Variants in ADAMTS12 observed in about 807,000 individuals in gnomAD.
ADAMTS12 encodes ADAM metallopeptidase with thrombospondin type 1 motif 12.
In ADAMTS12, 118 loss-of-function variants were observed where a neutral mutation model predicts 167.8. The observed-to-expected ratio is 0.70, with a 90% confidence interval of 0.61 to 0.82. ADAMTS12 has a LOEUF of 0.82. ADAMTS12 is among the 40% of genes least tolerant of loss of function. The pLI, the probability that ADAMTS12 is intolerant of heterozygous loss-of-function variation, is 0.00. For missense variants in ADAMTS12, 1,916 were observed against 1,998.8 expected, an observed-to-expected ratio of 0.96 and a Z score of 0.79; for synonymous variants, 704 against 716.9, an observed-to-expected ratio of 0.98 and a Z score of 0.29.
chr5:33,679,165 A>G (rs72741419), intron 5 of ADAMTS12, among the ~76,000 whole-genome samples: 27,948 of 152,102 alleles, frequency 0.18, 2,815 homozygotes, highest in East Asian at 0.32. Flanking sequence ...AGACTTCTCA[A>G]CCTCCCATTG....
chr5:33,620,981 G>C (rs1303313764), intron 14 of ADAMTS12, among the ~76,000 whole-genome samples: 1 of 152,162 alleles, frequency 6.6e-6, no homozygotes, highest in Non-Finnish European at 1.5e-5. Flanking sequence ...ATCTTCGCCA[G>C]TGGAAGCATT....
intron 19 of ADAMTS12, among the ~76,000 whole-genome samples, chr5:33,569,257 C>T (rs141743316): frequency 0.019 from 2,937 of 152,334 alleles, 63 homozygotes; most frequent in East Asian, 0.082. Flanking sequence ...TCTCCCAGCA[C>T]GCAGCTGGAG....
At chr5:33,640,428 G>A (rs144366614) in intron 11 of ADAMTS12, among the ~76,000 whole-genome samples, 1 of 152,322 alleles carries the variant, frequency 6.6e-6, no homozygotes, top group East Asian at 1.9e-4. Context: ...CACTGGTGGT[G>A]TCTGAATATA....
chr5:33,535,251 G>A (rs573985101), intron 22 of ADAMTS12, among the ~76,000 whole-genome samples: 1 of 152,280 alleles, frequency 6.6e-6, no homozygotes, highest in East Asian at 1.9e-4. Flanking sequence ...TTTTTCACAC[G>A]TTTGAGAATG....
chr5:33,847,814 G>A (rs988811554), intron 2 of ADAMTS12, among the ~76,000 whole-genome samples: 1 of 152,160 alleles, frequency 6.6e-6, no homozygotes, highest in African/African-American at 2.4e-5. Context: ...CACCTTTAAT[G>A]GGTGGGCACA....
At chr5:33,853,118 ACTGCC>A (rs1301390474) in intron 2 of ADAMTS12, among the ~76,000 whole-genome samples, 3 of 152,208 alleles carry the variant, frequency 2.0e-5, no homozygotes, top group African/African-American at 7.2e-5. Flanking sequence ...TTGTTTTGCC[ACTGCC>A]CTGTTACACA....
At chr5:33,662,397 G>C (rs1561201060) in intron 5 of ADAMTS12, among the ~76,000 whole-genome samples, 1 of 152,232 alleles carries the variant, frequency 6.6e-6, no homozygotes, top group Non-Finnish European at 1.5e-5. Context: ...CAATATCAAA[G>C]AGGCATTTTT....
Position 33,747,561 on chromosome 5 carries a change from TA to T in ADAMTS12, c.634+3842del, listed in dbSNP as rs1362156782. ...GGTGGAATGAACCCAGTACTGGGAATATCTATGAACCTGTGTACTAGGAAAT... is the reference window on the plus strand; with the variant it reads ...GGTGGAATGAACCCAGTACTGGGAATTCTATGAACCTGTGTACTAGGAAAT... On this transcript the variant is annotated intron_variant, in intron 3 of 23. Coordinates refer to ENST00000504830, the MANE Select transcript of ADAMTS12 (RefSeq NM_030955.4). Among the ~76,000 whole-genome samples, 5 of 152,198 alleles carry T rather than the reference TA, an allele frequency of 3.3e-5. No homozygotes were observed. In the South Asian group the frequency reaches 1.0e-3, roughly 31 times the overall value.
chr5:33,727,015 C>T (rs1201627363), intron 3 of ADAMTS12, among the ~76,000 whole-genome samples: 2 of 152,172 alleles, frequency 1.3e-5, no homozygotes, highest in East Asian at 1.9e-4. Flanking sequence ...TGAATCAAAT[C>T]TCTAGTCGAG....
At chr5:33,785,232 T>C (rs772828595) in intron 2 of ADAMTS12, among the ~76,000 whole-genome samples, 14 of 151,898 alleles carry the variant, frequency 9.2e-5, no homozygotes, top group Non-Finnish European at 1.5e-4. Flanking sequence ...GGAGAAACTA[T>C]AGGAGAAACT....
At chr5:33,710,359 G>T (rs146602345) in intron 3 of ADAMTS12, among the ~76,000 whole-genome samples, 1 of 152,266 alleles carries the variant, frequency 6.6e-6, no homozygotes, top group East Asian at 1.9e-4. Flanking sequence ...CCTGAATGCA[G>T]TTTCCACCAC....
In ADAMTS12 at chr5:33,627,058, ATGG is replaced by A. The variant is rs1336634879; in HGVS notation, c.2023-2710_2023-2708del. 6.0e-5 allele frequency among the ~76,000 whole-genome samples: 7 copies of A among 116,390 alleles called. No homozygotes were observed. In the South Asian group the frequency reaches 1.5e-3, roughly 25 times the overall value. 76.4% of individuals were successfully genotyped at this position (116,390 alleles called of 152,430 possible). Reference sequence around the variant, plus strand: ...TGATGGTGGTGGTGGTGATGTGGTAATGGTGGTGGTGATTTGATGGTGGTGGTA... The same window carrying A: ...TGATGGTGGTGGTGGTGATGTGGTAATGGTGGTGATTTGATGGTGGTGGTA... On this transcript the variant is annotated intron_variant, in intron 13 of 23. Coordinates refer to ENST00000504830, the MANE Select transcript of ADAMTS12 (RefSeq NM_030955.4).
intron 2 of ADAMTS12, among the ~76,000 whole-genome samples, chr5:33,804,860 A>G (rs1747160962): frequency 6.6e-6 from 1 of 152,206 alleles, no homozygotes; most frequent in African/African-American, 2.4e-5. Flanking sequence ...GTGAAGAGAT[A>G]GAACATTGTA....
intron 12 of ADAMTS12, among the ~76,000 whole-genome samples, chr5:33,634,081 C>A (rs527888373): frequency 6.6e-6 from 1 of 152,128 alleles, no homozygotes. Context: ...GGTGGCTCAA[C>A]ATTTTTGGAT....
chr5:33,638,708 A>T (rs1740304923), intron 11 of ADAMTS12, among the ~76,000 whole-genome samples: 1 of 152,242 alleles, frequency 6.6e-6, no homozygotes, highest in East Asian at 1.9e-4. Flanking sequence ...TGATGGCACA[A>T]TCCAAGCTCT....
chr5:33,716,283 C>T (rs1743613882), intron 3 of ADAMTS12, among the ~76,000 whole-genome samples: 1 of 152,042 alleles, frequency 6.6e-6, no homozygotes. Context: ...TTGAATCTAC[C>T]TTCACCATTA....
intron 22 of ADAMTS12, among the ~76,000 whole-genome samples, chr5:33,540,214 C>T (rs1561110807): frequency 6.6e-6 from 1 of 152,242 alleles, no homozygotes; most frequent in African/African-American, 2.4e-5. Context: ...GCTAGCGCAG[C>T]AGTCTGAGAT....
chr5:33,542,459 CAGA>C (rs1744755176), intron 22 of ADAMTS12, among the ~76,000 whole-genome samples: 1 of 152,112 alleles, frequency 6.6e-6, no homozygotes, highest in Non-Finnish European at 1.5e-5. Context: ...ATCAAGGAGA[CAGA>C]AGGTTAACAA....
rs1227043438 is a variant in ADAMTS12, at chr5:33,561,042, C to T, written c.4110G>A (p.Val1370=). The change falls in exon 20 of 24, where the codon GTG becomes GTA. Residue 1370 remains valine, a synonymous_variant. Coordinates refer to ENST00000504830, the MANE Select transcript of ADAMTS12 (RefSeq NM_030955.4). ...CHLRPCAGWK[V]GNWSKCSRNC... ...GATAAGTTACCTTGCTCCAGTTTCC[C>T]ACTTTCCAGCCAGCACAGGGACGGA... 1 of 1,614,160 alleles carries T rather than the reference C, an allele frequency of 6.2e-7. No homozygotes were observed. The highest frequency in any genetic ancestry group is 1.1e-5 in the South Asian group (1 of 91,072).
Sources: gnomAD v4.1 joint callset for allele counts (sites outside exome capture counted in the v4.1 genomes callset) on GRCh38, gnomAD v4.1.1 for gene constraint, MANE v1.5 for transcripts, NCBI Gene and HGNC (gene_info 2026-07-23, HGNC 2026-07-21) for gene names.